The following CUX1 variants were observed in gnomAD, a reference collection of about 807,000 sequenced individuals.
The protein encoded by CUX1 is protein CASP.
CUX1 carries 31 observed loss-of-function variants against 158.8 expected under a neutral mutation model. That is an observed-to-expected ratio of 0.20 (90% CI 0.15 to 0.26). The LOEUF (loss-of-function observed/expected upper bound fraction) is 0.26, where lower values mean the gene tolerates loss of function less well. Ranked by LOEUF, CUX1 falls within the 10% of genes least tolerant of loss-of-function variation. CUX1 has a pLI of 1.00. For synonymous variants in CUX1, 879 were observed against 862.1 expected (o/e 1.02, Z -0.34); for missense variants, 1,589 against 2,014.6 (o/e 0.79, Z 4.04).
chr7:102,083,922 A>G (rs1554479604), intron 4 of CUX1, among the ~76,000 whole-genome samples: 1 of 146,414 alleles, frequency 6.8e-6, no homozygotes, highest in Admixed American at 7.0e-5. Flanking sequence ...ATCTCGCTTC[A>G]TCACCAAGGC....
Position 102,256,562 on chromosome 7 carries a change from C to G in CUX1, c.*7520C>G. ...AACACCTGTCTCCAGAGTAGCCACT[C>G]AAAAACTGGTGGTCTCTATGTGTCT... On this transcript the variant is annotated 3_prime_UTR_variant, in exon 24 of 24. Transcript: ENST00000292535. 2 of 985,372 alleles carry G rather than the reference C, an allele frequency of 2.0e-6. No individual in the cohort carries two copies. Among genetic ancestry groups the G allele is most frequent in the Non-Finnish European group, 2.4e-6 (2 of 829,910 alleles). 61.0% of individuals were successfully genotyped at this position (985,372 alleles called of 1,614,324 possible).
intron 9 of CUX1, among the ~76,000 whole-genome samples, chr7:102,166,195 GCCATCGTGGTCTGGGTT>G (rs1791012649): frequency 6.6e-6 from 1 of 152,194 alleles, no homozygotes; most frequent in African/African-American, 2.4e-5. Flanking sequence ...GCTGTTTTCT[GCCATCGTGGTCTGGGTT>G]ACCACTGATA....
intron 20 of CUX1, among the ~76,000 whole-genome samples, chr7:102,225,952 G>A (rs2132332906): frequency 6.6e-6 from 1 of 152,400 alleles, no homozygotes; most frequent in Admixed American, 6.5e-5. Flanking sequence ...AAGACACTGA[G>A]CTGGGCCAGG....
rs1794823811 is a variant in CUX1, at chr7:102,196,618, T to C, written c.1223-16T>C. On this transcript the variant is annotated splice_polypyrimidine_tract_variant and intron_variant, in intron 14 of 23. Coordinates refer to ENST00000292535, the MANE Select transcript of CUX1 (RefSeq NM_181552.4). ...TGGAATCCCCCATAATGCATTCTGT[T>C]TGCCCTTCCTTGTAGGGTCAGCCAG... is the stretch of plus-strand genomic sequence containing the variant. The C allele has an allele frequency of 1.3e-6, 2 of 1,518,064 alleles. No individual in the cohort carries two copies. Among genetic ancestry groups the C allele is most frequent in the Non-Finnish European group, 1.8e-6 (2 of 1,133,926 alleles). The allele number at this position is 1,518,064 out of a possible 1,614,324, so 94.0% of individuals were successfully genotyped here. A position where few individuals can be genotyped will look rare whatever the true frequency, so the allele number is the denominator to read the frequency against.
At chr7:102,098,345 T>C (rs201461) in intron 5 of CUX1, among the ~76,000 whole-genome samples, 92,103 of 152,126 alleles carry the variant, frequency 0.61, 29,749 homozygotes, top group African/African-American at 0.79. Flanking sequence ...CGTGCGGTGG[T>C]TCACACCTGT....
chr7:102,126,177 CTGTGTGTG>C (rs3988138), intron 8 of CUX1, among the ~76,000 whole-genome samples: 21 of 135,466 alleles, frequency 1.6e-4, no homozygotes, highest in East Asian at 8.7e-4. Flanking sequence ...CCATTTCCGG[CTGTGTGTG>C]TGTGTGTGTG....
intron 11 of CUX1, among the ~76,000 whole-genome samples, chr7:102,187,358 G>T (rs1416037324): frequency 3.9e-5 from 6 of 151,920 alleles, no homozygotes; most frequent in Non-Finnish European, 7.4e-5. Flanking sequence ...AAAAAACAAA[G>T]AGTCCCACTG....
intron 20 of CUX1, among the ~76,000 whole-genome samples, chr7:102,219,632 G>C (rs117690935): frequency 2.0e-5 from 3 of 152,146 alleles, no homozygotes; most frequent in Admixed American, 1.3e-4. Flanking sequence ...GTTTGGCCAC[G>C]CTGGGTACGT....
chr7:101,864,458 A>C (rs1797755437), intron 1 of CUX1, among the ~76,000 whole-genome samples: 2 of 151,966 alleles, frequency 1.3e-5, no homozygotes, highest in African/African-American at 2.4e-5. Flanking sequence ...CACCATGCCT[A>C]GCCTGGATTT....
intron 9 of CUX1, among the ~76,000 whole-genome samples, chr7:102,168,376 G>A (rs538766285): frequency 1.6e-3 from 248 of 152,096 alleles, no homozygotes; most frequent in African/African-American, 5.6e-3. Flanking sequence ...GGCTGGGCGC[G>A]GTGGCTCATG....
At chr7:102,234,788 A>G (rs1300776995) in intron 22 of CUX1, among the ~76,000 whole-genome samples, 1 of 151,154 alleles carries the variant, frequency 6.6e-6, no homozygotes, top group Non-Finnish European at 1.5e-5. Flanking sequence ...AATATAGCCA[A>G]GCTTGGTGGC....
intron 3 of CUX1, among the ~76,000 whole-genome samples, chr7:102,054,387 C>T (rs1018083958): frequency 1.2e-4 from 19 of 152,260 alleles, no homozygotes; most frequent in African/African-American, 3.4e-4. Flanking sequence ...GATATCTGGT[C>T]GTCCCAGCAA....
chr7:102,274,967 C>T (rs1014578176), intron 16 of CUX1, among the ~76,000 whole-genome samples: 2 of 152,298 alleles, frequency 1.3e-5, no homozygotes, highest in East Asian at 3.9e-4. Context: ...GAGGGGAGTT[C>T]TGGGCCTGGC....
At chr7:101,966,181 C>T (rs1301044088) in intron 2 of CUX1, among the ~76,000 whole-genome samples, 1 of 151,960 alleles carries the variant, frequency 6.6e-6, no homozygotes, top group Non-Finnish European at 1.5e-5. Flanking sequence ...TCCTCTTGCC[C>T]CAACCTCCCA....
intron 3 of CUX1, among the ~76,000 whole-genome samples, chr7:102,045,112 C>T (rs140909451): frequency 0.011 from 1,668 of 152,332 alleles, 33 homozygotes; most frequent in African/African-American, 0.038. Context: ...CCTGTAAGTT[C>T]GCGCCATGAT....
intron 8 of CUX1, among the ~76,000 whole-genome samples, chr7:102,149,975 C>A (rs565053339): frequency 6.6e-6 from 1 of 152,310 alleles, no homozygotes; most frequent in South Asian, 2.1e-4. Flanking sequence ...CCCTTAAGGA[C>A]AGAGCAGGTC....
chr7:102,240,446 A>G (rs1290856612), intron 23 of CUX1, among the ~76,000 whole-genome samples: 1 of 151,804 alleles, frequency 6.6e-6, no homozygotes, highest in Non-Finnish European at 1.5e-5. Flanking sequence ...TTATAGAGAC[A>G]GGGGTCTCGC....
Position 102,104,400 on chromosome 7 carries a change from C to A in CUX1, c.471C>A (p.Ala157=). The part of the protein sequence containing the change: ...REYEQTLKNQ[A]ETIALEKEQK... ...ATGAACAGACACTGAAGAACCAAGC[C>A]GAAACCATAGCTCTTGAGAAGGAAC... is the stretch of plus-strand genomic sequence containing the variant. The change falls in exon 6 of 24, where the codon GCC becomes GCA. Residue 157 remains alanine, a synonymous_variant. Coordinates refer to ENST00000292535, the MANE Select transcript of CUX1 (RefSeq NM_181552.4). The A allele has an allele frequency of 6.2e-7, 1 of 1,612,676 alleles. No homozygotes were observed. The highest frequency in any genetic ancestry group is 1.1e-5 in the South Asian group (1 of 91,032).
intron 3 of CUX1, among the ~76,000 whole-genome samples, chr7:102,039,660 CAAAAAAAAA>C (rs951801289): frequency 1.1e-5 from 1 of 90,360 alleles, no homozygotes; most frequent in Admixed American, 1.2e-4. Context: ...GTCTCTATTT[CAAAAAAAAA>C]AAAAAAAAAA....
Sources: allele counts gnomAD v4.1 joint callset (sites outside exome capture counted in the v4.1 genomes callset), GRCh38; gene constraint gnomAD v4.1.1; transcripts MANE v1.5; gene names NCBI Gene and HGNC (gene_info 2026-07-23, HGNC 2026-07-21).